The following FAM53A variants were observed in gnomAD, a reference collection of about 807,000 sequenced individuals.
The protein encoded by FAM53A is protein FAM53A.
In FAM53A, 28 loss-of-function variants were observed where a neutral mutation model predicts 26.6. The ratio of observed to expected loss-of-function variants is 1.05; its 90% CI spans 0.78 to 1.45. The LOEUF is 1.45. Ranked by LOEUF, FAM53A falls within the 40% of genes most tolerant of loss-of-function variation. The probability of loss-of-function intolerance (pLI) is 0.00; values close to 1 mark genes in which losing one functional copy is unlikely to be tolerated. For missense variants in FAM53A, 650 were observed against 575.8 expected, an observed-to-expected ratio of 1.13 and a Z score of -1.32; for synonymous variants, 290 against 253.1, an observed-to-expected ratio of 1.15 and a Z score of -1.38.
the FAM53A span, among the ~76,000 whole-genome samples, chr4:1,592,379 C>G: frequency 6.6e-6 from 1 of 152,048 alleles, no homozygotes; most frequent in African/African-American, 2.4e-5. Context: ...CTGGAGGGCG[C>G]GAGGCCGAGA....
At chr4:1,620,182 G>C (rs12511086) in intron 1 of FAM53A, among the ~76,000 whole-genome samples, 35,584 of 150,280 alleles carry the variant, frequency 0.24, 5,052 homozygotes, top group Admixed American at 0.35. Flanking sequence ...ACTCCAGGCT[G>C]GGTGACAGAG....
chr4:1,642,769 C>G (rs1001053866), intron 4 of FAM53A, among the ~76,000 whole-genome samples: 1 of 152,150 alleles, frequency 6.6e-6, no homozygotes, highest in African/African-American at 2.4e-5. Context: ...GCCTTCCTAC[C>G]CAGCCCCACC....
the FAM53A span, among the ~76,000 whole-genome samples, chr4:1,608,987 AC>A: frequency 6.6e-6 from 1 of 152,030 alleles, no homozygotes; most frequent in African/African-American, 2.4e-5. Context: ...CCAGCGCTGC[AC>A]CACTGAGCAA....
chr4:1,635,888 G>T (rs1163210240), downstream of FAM53A, among the ~76,000 whole-genome samples: 3 of 132,590 alleles, frequency 2.3e-5, no homozygotes, highest in Admixed American at 2.7e-4. Flanking sequence ...CTGTCGCCCA[G>T]GCTGGAGTGC....
chr4:1,655,450 C>T lies in FAM53A; in HGVS notation c.410G>A (p.Trp137Ter). ...CCAGACCTTGGAGCTGCCGGGGCGC[C>T]AGGGGGACCGGCAGCGCACAAGCTC... ...PEELVRCRSP[W>*]RPGSSKVWTP... The change falls in exon 4 of 5, where the codon TGG becomes TAG. Residue 137 changes from tryptophan to a stop codon, truncating the protein, a stop_gained. Transcript: ENST00000308132. LOFTEE classifies it high-confidence loss of function. 2 of 1,539,026 alleles carry T rather than the reference C, an allele frequency of 1.3e-6. No individual in the cohort carries two copies. Among genetic ancestry groups the T allele is most frequent in the South Asian group, 1.2e-5 (1 of 82,340 alleles).
At chr4:1,667,440 G>A (rs920612778) in intron 2 of FAM53A, among the ~76,000 whole-genome samples, 22 of 152,158 alleles carry the variant, frequency 1.4e-4, no homozygotes, top group African/African-American at 3.9e-4. Context: ...AGCCGGAAAC[G>A]TACTAATTAC....
At chr4:1,608,563 G>A in the FAM53A span, among the ~76,000 whole-genome samples, 1 of 152,180 alleles carries the variant, frequency 6.6e-6, no homozygotes, top group Admixed American at 6.5e-5. Context: ...CTGGTGGGAG[G>A]GCCCAGTGGG....
At chr4:1,644,157 A>C in intron 4 of FAM53A, 1 of 1,530,962 alleles carries the variant, frequency 6.5e-7, no homozygotes, top group Non-Finnish European at 8.7e-7. Context: ...GCTGCACTAC[A>C]CACGCACCGG....
At chr4:1,644,135 C>A in intron 4 of FAM53A, 1 of 1,515,084 alleles carries the variant, frequency 6.6e-7, no homozygotes, top group Admixed American at 2.0e-5. Flanking sequence ...CTCCAATCCA[C>A]AGCACCACCA....
the FAM53A span, among the ~76,000 whole-genome samples, chr4:1,581,792 T>C: frequency 1.3e-5 from 2 of 152,120 alleles, no homozygotes; most frequent in Non-Finnish European, 2.9e-5. Flanking sequence ...ACAGGGTTTC[T>C]CCATGTTGCC....
chr4:1,658,857 GA>G (rs1304111058), intron 2 of FAM53A, among the ~76,000 whole-genome samples: 3 of 152,250 alleles, frequency 2.0e-5, no homozygotes, highest in Non-Finnish European at 2.9e-5. Flanking sequence ...TGAGAACACA[GA>G]AGGCCACCCT....
the FAM53A span, among the ~76,000 whole-genome samples, chr4:1,598,328 C>T: frequency 1.3e-5 from 2 of 152,262 alleles, no homozygotes; most frequent in Non-Finnish European, 2.9e-5. Flanking sequence ...GGGGCCAACT[C>T]CAAACGCTGC....
chr4:1,576,468 G>C, the FAM53A span, among the ~76,000 whole-genome samples: 10 of 152,178 alleles, frequency 6.6e-5, no homozygotes, highest in African/African-American at 2.2e-4. Flanking sequence ...CCCAATTTAC[G>C]GGGCCGCGCT....
At chr4:1,601,952 G>T in the FAM53A span, among the ~76,000 whole-genome samples, 2 of 149,798 alleles carry the variant, frequency 1.3e-5, 1 homozygote, top group Non-Finnish European at 3.0e-5. Context: ...CGGTGGAGGT[G>T]GGCCGGGGGA....
chr4:1,592,573 C>T, the FAM53A span, among the ~76,000 whole-genome samples: 1 of 152,252 alleles, frequency 6.6e-6, no homozygotes, highest in East Asian at 1.9e-4. Context: ...CAGGGGCCCC[C>T]GACACGCGGT....
At chr4:1,587,727 C>G in the FAM53A span, among the ~76,000 whole-genome samples, 59 of 152,264 alleles carry the variant, frequency 3.9e-4, no homozygotes, top group South Asian at 3.9e-3. Flanking sequence ...CCTGTGACAT[C>G]AAGCTGCCAC....
the FAM53A span, among the ~76,000 whole-genome samples, chr4:1,578,501 G>C: frequency 6.6e-6 from 1 of 151,960 alleles, no homozygotes; most frequent in African/African-American, 2.4e-5. Flanking sequence ...AACGTGTGGG[G>C]GTAGGAGGTG....
At chr4:1,636,520 G>A (rs997512989), downstream of FAM53A, among the ~76,000 whole-genome samples, 2 of 152,224 alleles carry the variant, frequency 1.3e-5, no homozygotes, top group South Asian at 2.1e-4. Flanking sequence ...CAAGCTTCCC[G>A]CTGTACGTGG....
the FAM53A span, among the ~76,000 whole-genome samples, chr4:1,608,607 G>A: frequency 6.6e-6 from 1 of 152,094 alleles, no homozygotes; most frequent in Non-Finnish European, 1.5e-5. Context: ...AGTCAGGTCA[G>A]CAGTGGCTGA....
Sources: gnomAD v4.1 joint callset for allele counts (sites outside exome capture counted in the v4.1 genomes callset) on GRCh38, gnomAD v4.1.1 for gene constraint, MANE v1.5 for transcripts, NCBI Gene and HGNC (gene_info 2026-07-23, HGNC 2026-07-21) for gene names.